CABIN1: variants seen among roughly 807,000 people sequenced by gnomAD.
CABIN1 encodes calcineurin binding protein 1.
CABIN1 carries 133 observed loss-of-function variants against 227.7 expected under a neutral mutation model. That is an observed-to-expected ratio of 0.58 (90% CI 0.51 to 0.67). The LOEUF (loss-of-function observed/expected upper bound fraction) is 0.67. CABIN1 is among the 30% of genes least tolerant of loss of function. The probability of loss-of-function intolerance (pLI) is 0.00; values close to 1 mark genes in which losing one functional copy is unlikely to be tolerated. For missense variants in CABIN1, 2,408 were observed against 2,852.5 expected (o/e 0.84, Z 3.55); for synonymous variants, 1,086 against 1,155.1 (o/e 0.94, Z 1.21).
chr22:24,115,890 G>T (rs544027886), intron 27 of CABIN1, among the ~76,000 whole-genome samples: 3 of 152,176 alleles, frequency 2.0e-5, no homozygotes, highest in Non-Finnish European at 4.4e-5. Context: ...TCACTCACGC[G>T]TATTTGTTAT....
chr22:24,036,304 GGC>G lies in CABIN1; in HGVS notation c.96+124_96+125del, dbSNP rs369517288. On this transcript the variant is annotated intron_variant, in intron 3 of 36. Coordinates refer to ENST00000263119, the MANE Select transcript of CABIN1 (RefSeq NM_012295.4). ...AGGGGGAAATTCCATTTTGAAAGAT[GGC>G]TAGCTCTCCATCTCCTGTTAAACCT... 104 of 758,410 alleles carry G rather than the reference GGC, an allele frequency of 1.4e-4. No homozygotes were observed. In the East Asian group the frequency reaches 1.4e-3, roughly 10 times the overall value. 47.0% of individuals were successfully genotyped at this position (758,410 alleles called of 1,614,324 possible).
chr22:24,100,184 C>T (rs1387392281), intron 26 of CABIN1, among the ~76,000 whole-genome samples: 2 of 152,252 alleles, frequency 1.3e-5, no homozygotes, highest in African/African-American at 4.8e-5. Flanking sequence ...GTCAAAGACA[C>T]AAAGCCATCA....
chr22:24,177,537 G>T lies in CABIN1; in HGVS notation c.6239G>T (p.Gly2080Val). The change falls in exon 36 of 37, where the codon GGG becomes GTG. Residue 2080 changes from glycine to valine, a missense_variant. Gly to Val is a moderately radical substitution (Grantham distance 109). Transcript: ENST00000263119. This position sits in a 1 kb window ranked among gnomAD's most constrained non-coding sequence, Gnocchi z 4.4. ...CTGAGGCCTGAGCCGAGAAGGGATGGGGAGGCTCAGGAGGCTGCGAGTGAG... is the reference window on the plus strand; with the variant it reads ...CTGAGGCCTGAGCCGAGAAGGGATGTGGAGGCTCAGGAGGCTGCGAGTGAG... ...GKLRPEPRRD[G>V]EAQEAASETQ... The T allele has an allele frequency of 1.3e-6, 2 of 1,557,620 alleles. No homozygotes were observed. Among genetic ancestry groups the T allele is most frequent in the Non-Finnish European group, 1.7e-6 (2 of 1,148,526 alleles).
chr22:24,156,291 G>A (rs1314982633), intron 29 of CABIN1, among the ~76,000 whole-genome samples: 2 of 152,088 alleles, frequency 1.3e-5, no homozygotes, highest in Non-Finnish European at 1.5e-5. Context: ...CGGCGCCCCC[G>A]CGGAGGAAAT....
intron 29 of CABIN1, among the ~76,000 whole-genome samples, chr22:24,136,654 C>T (rs2044434864): frequency 6.7e-6 from 1 of 149,298 alleles, no homozygotes; most frequent in African/African-American, 2.5e-5. Context: ...GCGTGAGTCA[C>T]TGTGCCCGGC....
At chr22:24,166,541 G>A in intron 31 of CABIN1, 98 bp from the exon 32 acceptor site, 1 of 1,453,460 alleles carries the variant, frequency 6.9e-7, no homozygotes, top group Non-Finnish European at 9.6e-7. Flanking sequence ...ACAGATGTCA[G>A]GTGGGAGAGG....
At chr22:24,108,992 G>A (rs1442579892) in intron 26 of CABIN1, among the ~76,000 whole-genome samples, 1 of 152,138 alleles carries the variant, frequency 6.6e-6, no homozygotes, top group Non-Finnish European at 1.5e-5. Flanking sequence ...TGTTTGTTAG[G>A]CACTGATTCA....
intron 6 of CABIN1, among the ~76,000 whole-genome samples, chr22:24,044,383 C>T (rs540440410): frequency 6.6e-6 from 1 of 152,286 alleles, no homozygotes. Flanking sequence ...TATAATCCCA[C>T]CTTTCTGGCT....
rs1569234343 is a variant in CABIN1 at position 24,113,727 on chromosome 22, CA to C, written c.4280del (p.Gln1427ArgfsTer94). 2.5e-6 allele frequency: 4 copies of C among 1,613,824 alleles called. No individual in the cohort carries two copies. In the Admixed American group the frequency reaches 5.0e-5, roughly 20 times the overall value. ...SQAGATGKDLQGATEERGKNE... is the reference protein window; with the variant it reads ...SQAGATGKDLXGATEERGKNE... ...AGCAGGAGCGACGGGTAAAGATCTT[CA>C]GGGGGCCACAGAAGAAAGAGGTATG... On this transcript the variant is annotated frameshift_variant, in exon 27 of 37. Transcript: ENST00000263119. LOFTEE classifies it high-confidence loss of function.
chr22:24,171,675 C>T, intron 33 of CABIN1, 38 bp from the exon 34 acceptor site: 1 of 1,611,828 alleles, frequency 6.2e-7, no homozygotes, highest in South Asian at 1.1e-5. Context: ...CTCAGGGCTG[C>T]CTAGCCAGCC....
At chr22:24,157,963 A>G (rs2045934016) in intron 29 of CABIN1, among the ~76,000 whole-genome samples, 1 of 152,178 alleles carries the variant, frequency 6.6e-6, no homozygotes, top group South Asian at 2.1e-4. Context: ...AGCTCAATGC[A>G]GTCTGCTCCT....
Position 24,167,305 on chromosome 22 carries a change from A to T in CABIN1, c.5674A>T (p.Ile1892Phe). The change falls in exon 32 of 37, where the codon ATC becomes TTC. Residue 1892 changes from isoleucine (I) to phenylalanine (F), a missense_variant. Coordinates refer to ENST00000263119, the MANE Select transcript of CABIN1 (RefSeq NM_012295.4). Reference protein sequence around the residue: ...ERIMSETYMLIKQVDEEAALE... With the variant: ...ERIMSETYMLFKQVDEEAALE... Reference sequence around the variant, plus strand: ...GATCATGTCGGAGACCTACATGCTCATCAAGCAGGTGGGTGGCAGGCAGAG... The same window carrying T: ...GATCATGTCGGAGACCTACATGCTCTTCAAGCAGGTGGGTGGCAGGCAGAG... 6.2e-7 allele frequency: 1 copy of T among 1,610,958 alleles called. No homozygotes were observed. The highest frequency in any genetic ancestry group is 8.5e-7 in the Non-Finnish European group (1 of 1,178,342).
At chr22:24,027,020 G>T (rs763727661) in intron 1 of CABIN1, among the ~76,000 whole-genome samples, 5 of 152,132 alleles carry the variant, frequency 3.3e-5, no homozygotes, top group Non-Finnish European at 5.9e-5. Flanking sequence ...CTTCAACGTG[G>T]TATGTCTTTC....
intron 28 of CABIN1, among the ~76,000 whole-genome samples, chr22:24,120,064 G>A (rs906311751): frequency 4.6e-5 from 7 of 152,158 alleles, no homozygotes; most frequent in African/African-American, 1.4e-4. Context: ...TTCACCCATC[G>A]TCTCAGTGAC....
intron 18 of CABIN1, among the ~76,000 whole-genome samples, chr22:24,073,927 G>A (rs145364347): frequency 2.0e-5 from 3 of 152,220 alleles, no homozygotes; most frequent in Admixed American, 6.5e-5. Flanking sequence ...AACCATCCCC[G>A]CTGCTGAACC....
intron 33 of CABIN1, among the ~76,000 whole-genome samples, chr22:24,171,254 C>G (rs978090041): frequency 6.6e-6 from 1 of 152,194 alleles, no homozygotes; most frequent in African/African-American, 2.4e-5. Flanking sequence ...CAAACTCTTG[C>G]AGCATCCCAC....
At chr22:24,071,164 T>G in intron 17 of CABIN1, 122 bp downstream of exon 17, 2 of 1,371,946 alleles carry the variant, frequency 1.5e-6, no homozygotes, top group Non-Finnish European at 2.0e-6. Context: ...CATGATGGCT[T>G]CTTTGGTTGG....
In CABIN1 at chr22:24,084,894, AG is replaced by A. The variant is rs2041050245; in HGVS notation, c.3118-108del. On this transcript the variant is annotated intron_variant, in intron 21 of 36. Transcript: ENST00000263119. ...TCTTTTTCTGCTCTGTACCAGACTG[AG>A]GGGCAGGAGAGGCTGGAGAGTCTGT... 1.9e-6 allele frequency: 3 copies of A among 1,563,816 alleles called. No individual in the cohort carries two copies. In the Admixed American group the frequency reaches 5.0e-5, roughly 26 times the overall value.
chr22:24,070,703 G>T (rs1311932661), intron 16 of CABIN1, 97 bp from the exon 17 acceptor site: 1 of 1,566,284 alleles, frequency 6.4e-7, no homozygotes, highest in Non-Finnish European at 8.8e-7. Flanking sequence ...TTCTTTTGCT[G>T]CCCCTCATCT....
Sources: gnomAD v4.1 joint callset for allele counts (sites outside exome capture counted in the v4.1 genomes callset) on GRCh38, gnomAD v4.1.1 for gene constraint, Gnocchi (gnomAD v3.1) non-coding constraint, MANE v1.5 for transcripts, NCBI Gene and HGNC (gene_info 2026-07-23, HGNC 2026-07-21) for gene names.